The following RCBTB2 variants were observed in gnomAD, a reference collection of about 807,000 sequenced individuals.
RCBTB2 encodes RCC1 and BTB domain containing protein 2.
A neutral mutation model predicts 65.4 loss-of-function variants in RCBTB2; 55 were observed. That is an observed-to-expected ratio of 0.84 (90% CI 0.68 to 1.05). The LOEUF (loss-of-function observed/expected upper bound fraction) is 1.05, where lower values mean the gene tolerates loss of function less well. Ranked by LOEUF, RCBTB2 falls within the 50% of genes least tolerant of loss-of-function variation. The probability of loss-of-function intolerance (pLI) is 0.00; values close to 1 mark genes in which losing one functional copy is unlikely to be tolerated. For synonymous variants in RCBTB2, 220 were observed against 255.2 expected (o/e 0.86, Z 1.31); for missense variants, 599 against 680.1 (o/e 0.88, Z 1.33).
intron 4 of RCBTB2, among the ~76,000 whole-genome samples, chr13:48,519,308 T>C (rs1374316734): frequency 7.9e-5 from 12 of 152,250 alleles, no homozygotes; most frequent in African/African-American, 2.9e-4. Context: ...ACAGCACACA[T>C]GGAAAGATAC....
intron 10 of RCBTB2, among the ~76,000 whole-genome samples, chr13:48,509,014 G>C (rs980327999): frequency 4.6e-5 from 7 of 152,210 alleles, no homozygotes; most frequent in African/African-American, 1.7e-4. Flanking sequence ...AAAGTTCTGG[G>C]TAAGTGTAGG....
intron 1 of RCBTB2, among the ~76,000 whole-genome samples, chr13:48,527,396 T>TATGATATATATATATATGATATATATTTA (rs71076027): frequency 1.5e-5 from 2 of 137,872 alleles, no homozygotes; most frequent in South Asian, 2.2e-4. Flanking sequence ...TATATTTATA[T>TATGATATATATATATATGATATATATTTA]TAAAAGGTGC....
chr13:48,494,612 CATAA>C (rs1461631283), intron 14 of RCBTB2, among the ~76,000 whole-genome samples: 2 of 152,156 alleles, frequency 1.3e-5, no homozygotes, highest in African/African-American at 4.8e-5. Flanking sequence ...AAATAATTCA[CATAA>C]ATAGAGAATA....
intron 5 of RCBTB2, 102 bp from the exon 6 acceptor site, chr13:48,515,457 T>C: frequency 2.2e-6 from 3 of 1,377,534 alleles, no homozygotes; most frequent in South Asian, 1.4e-5. Flanking sequence ...TGCTTCTTTA[T>C]ATAATAAATA....
upstream of RCBTB2, among the ~76,000 whole-genome samples, chr13:48,533,478 G>A (rs1265164397): frequency 1.3e-5 from 2 of 152,214 alleles, no homozygotes; most frequent in African/African-American, 2.4e-5. Context: ...CCTCCAGCCT[G>A]CCCCAGCTTT....
chr13:48,490,740 C>CCA lies in RCBTB2; in HGVS notation c.1516-491_1516-490dup, dbSNP rs9332069. Among the ~76,000 whole-genome samples, 77 of 152,270 alleles carry CCA rather than the reference C, an allele frequency of 5.1e-4. No individual in the cohort carries two copies. In the East Asian group the frequency reaches 0.013, roughly 26 times the overall value. ...TTGCTGCTCTGAAGTCATTAACAGG[C>CCA]CACCGCTTTTTCTCTTTATGAGACG... On this transcript the variant is annotated intron_variant, in intron 14 of 14. Transcript: ENST00000344532.
At chr13:48,521,835 C>T in intron 4 of RCBTB2, 63 bp downstream of exon 4, 4 of 1,480,130 alleles carry the variant, frequency 2.7e-6, no homozygotes, top group Non-Finnish European at 3.8e-6. Flanking sequence ...CCAATAGGTG[C>T]TTCATGAAGT....
chr13:48,531,888 C>A (rs935005580), intron 1 of RCBTB2: 1 of 152,174 alleles, frequency 6.6e-6, no homozygotes, highest in African/African-American at 2.4e-5. Flanking sequence ...ACTGACTTAA[C>A]TAAGACCCAC....
chr13:48,504,602 T>C (rs1950399471), intron 10 of RCBTB2, among the ~76,000 whole-genome samples: 1 of 152,200 alleles, frequency 6.6e-6, no homozygotes, highest in Non-Finnish European at 1.5e-5. Flanking sequence ...TGCATCCGTT[T>C]CACCTGTTCA....
At chr13:48,491,277 T>A (rs1949687099) in intron 14 of RCBTB2, among the ~76,000 whole-genome samples, 2 of 151,990 alleles carry the variant, frequency 1.3e-5, no homozygotes, top group Non-Finnish European at 2.9e-5. Flanking sequence ...GCCTTGCCAA[T>A]GTACATATAA....
At chr13:48,513,797 T>C (rs1950935346) in intron 6 of RCBTB2, among the ~76,000 whole-genome samples, 1 of 152,238 alleles carries the variant, frequency 6.6e-6, no homozygotes, top group South Asian at 2.1e-4. Context: ...CCGTTCTTGC[T>C]GTCTGTTGTT....
At chr13:48,490,328 A>G in intron 14 of RCBTB2, 77 bp from the exon 15 acceptor site, 2 of 1,313,934 alleles carry the variant, frequency 1.5e-6, no homozygotes, top group Non-Finnish European at 2.1e-6. Context: ...AATCGCTAAA[A>G]CAAGTTAGGC....
intron 1 of RCBTB2, among the ~76,000 whole-genome samples, chr13:48,527,361 T>TATATGATATATA: frequency 1.8e-5 from 2 of 112,446 alleles, no homozygotes; most frequent in South Asian, 2.5e-4. Context: ...TGATATATAT[T>TATATGATATATA]TATATATGAT....
chr13:48,516,361 G>A (rs1274190375), intron 4 of RCBTB2, among the ~76,000 whole-genome samples: 5 of 152,196 alleles, frequency 3.3e-5, no homozygotes, highest in Non-Finnish European at 7.3e-5. Context: ...GACAAACGAG[G>A]TGGCTTAACC....
intron 4 of RCBTB2, among the ~76,000 whole-genome samples, chr13:48,519,728 C>A (rs769966236): frequency 6.6e-6 from 1 of 152,148 alleles, no homozygotes; most frequent in Non-Finnish European, 1.5e-5. Flanking sequence ...CTAAGTACAA[C>A]AGAGATGTGA....
At chr13:48,493,018 C>T (rs548650681) in intron 14 of RCBTB2, among the ~76,000 whole-genome samples, 1 of 152,216 alleles carries the variant, frequency 6.6e-6, no homozygotes, top group East Asian at 1.9e-4. Context: ...TCAATAGATG[C>T]CACTTTCATC....
At chr13:48,493,311 ACACACTCTCTCT>A (rs1257303408) in intron 14 of RCBTB2, among the ~76,000 whole-genome samples, 1 of 57,338 alleles carries the variant, frequency 1.7e-5, no homozygotes, top group African/African-American at 6.3e-5. Context: ...ACACACACAC[ACACACTCTCTCT>A]CTCTCTCTCT....
chr13:48,515,428 T>C, intron 5 of RCBTB2, 73 bp from the exon 6 acceptor site: 2 of 1,479,366 alleles, frequency 1.4e-6, no homozygotes, highest in South Asian at 2.5e-5. Context: ...CAAACAGGAA[T>C]CATCTTCCTT....
At position 48,496,230 on chromosome 13, in the gene RCBTB2, G is replaced by A. The variant is rs1454228336; in HGVS notation, c.1476C>T (p.Ala492=). The A allele has an allele frequency of 2.5e-6, 4 of 1,587,962 alleles. No individual in the cohort carries two copies. Among genetic ancestry groups the A allele is most frequent in the Non-Finnish European group, 3.4e-6 (4 of 1,166,704 alleles). The change falls in exon 14 of 15, where the codon GCC becomes GCT. Residue 492 remains alanine (A), a synonymous_variant. Coordinates refer to ENST00000344532, the MANE Select transcript of RCBTB2 (RefSeq NM_001268.4). ...TCACCGCAGCCGAGAGCAGAGCGAT[G>A]GCATTCTCCTCGCAGATGCCTTGCT... The part of the protein sequence containing the change: ...TIKQGICEEN[A]IALLSAAVKY...
Sources: allele counts gnomAD v4.1 joint callset (sites outside exome capture counted in the v4.1 genomes callset), GRCh38; gene constraint gnomAD v4.1.1; transcripts MANE v1.5; gene names NCBI Gene and HGNC (gene_info 2026-07-23, HGNC 2026-07-21).